USF3: variants seen among roughly 807,000 people sequenced by gnomAD.
USF3 encodes the protein basic helix-loop-helix domain-containing protein USF3.
A neutral mutation model predicts 157.5 loss-of-function variants in USF3; 29 were observed. The ratio of observed to expected loss-of-function variants is 0.18; its 90% confidence interval spans 0.14 to 0.25. The LOEUF is 0.25. Ranked by LOEUF, USF3 falls within the 10% of genes least tolerant of loss-of-function variation. The probability of loss-of-function intolerance (pLI) is 1.00; values close to 1 mark genes in which losing one functional copy is unlikely to be tolerated. For missense variants in USF3, 2,381 were observed against 2,667.6 expected (o/e 0.89, Z 2.37); for synonymous variants, 893 against 941.4 (o/e 0.95, Z 0.94).
intron 1 of USF3, among the ~76,000 whole-genome samples, chr3:113,678,738 T>A (rs529879590): frequency 1.2e-4 from 19 of 152,236 alleles, no homozygotes; most frequent in East Asian, 1.2e-3. Flanking sequence ...TCATTAAAAA[T>A]TTTTTTTAAT....
Position 113,696,523 on chromosome 3 carries a change from C to T in USF3, c.-288G>A. ...GCCTGCTCCTCCGGGGCTGGGGGAG[C>T]GCGGGCCCAGGCCCTCCTCTCCCCC... is the stretch of plus-strand genomic sequence containing the variant. On this transcript the variant is annotated 5_prime_UTR_variant, in exon 1 of 7. Coordinates refer to ENST00000316407, the MANE Select transcript of USF3 (RefSeq NM_001009899.4). 6.6e-6 allele frequency: 1 copy of T among 152,364 alleles called. No homozygotes were observed. The highest frequency in any genetic ancestry group is 1.5e-5 in the Non-Finnish European group (1 of 68,176). The allele number at this position is 152,364 out of a possible 1,614,324, so 9.4% of individuals were successfully genotyped here.
At chr3:113,673,530 T>C (rs1055437621) in intron 3 of USF3, among the ~76,000 whole-genome samples, 154 bp from the exon 4 acceptor site, 2 of 152,216 alleles carry the variant, frequency 1.3e-5, no homozygotes, top group Non-Finnish European at 2.9e-5. Flanking sequence ...TTAATATATA[T>C]TATGGTATGA....
chr3:113,676,775 G>T (rs947687460), intron 2 of USF3, among the ~76,000 whole-genome samples: 3 of 152,148 alleles, frequency 2.0e-5, no homozygotes, highest in Non-Finnish European at 4.4e-5. Flanking sequence ...CAGAAAGCAT[G>T]AGTTTAAAAT....
Position 113,657,999 on chromosome 3 carries a change from T to C in USF3, c.3683A>G (p.Asp1228Gly). Residue 1228 changes from aspartate (D) to glycine (G), a missense_variant, in exon 7 of 7, where the codon GAT becomes GGT. Coordinates refer to ENST00000316407, the MANE Select transcript of USF3 (RefSeq NM_001009899.4). ...GATGCTTGGTGGCTGAGAAGTTGAA[T>C]CCTGTAAAGATGCATTTGATGTTTT... ...GIKTSNASLQDSTSQPPSITS... is the reference protein window; with the variant it reads ...GIKTSNASLQGSTSQPPSITS... 1.2e-6 allele frequency: 2 copies of C among 1,614,140 alleles called. No individual in the cohort carries two copies. The highest frequency in any genetic ancestry group is 1.7e-6 in the Non-Finnish European group (2 of 1,180,008).
In USF3 at chr3:113,648,863, CTTT is replaced by C. The variant is rs1018655983; in HGVS notation, c.*6078_*6080del. 2.6e-5 allele frequency: 4 copies of C among 151,936 alleles called. 1 individual carries two copies. In the East Asian group the frequency reaches 7.7e-4, roughly 29 times the overall value. 9.4% of individuals were successfully genotyped at this position (151,936 alleles called of 1,614,324 possible). A position where few individuals can be genotyped will look rare whatever the true frequency, so the allele number is the denominator to read the frequency against. ...ATTATGTTCTCCTCAGATTTTTCAA[CTTT>C]TTTTTACCAAAGTGAAAATATATAT... is the stretch of plus-strand genomic sequence containing the variant. On this transcript the variant is annotated 3_prime_UTR_variant, in exon 7 of 7. Transcript: ENST00000316407.
chr3:113,694,355 A>G (rs1004769772), intron 1 of USF3, among the ~76,000 whole-genome samples: 2 of 152,154 alleles, frequency 1.3e-5, no homozygotes, highest in Non-Finnish European at 1.5e-5. Flanking sequence ...GTACCCATCA[A>G]TTTCTCATAC....
Position 113,659,705 on chromosome 3 carries a change from T to G in USF3, c.1977A>C (p.Gln659His), listed in dbSNP as rs76314203. Residue 659 changes from glutamine to histidine, a missense_variant, in exon 7 of 7, where the codon CAA (glutamine) becomes CAC (histidine). Physicochemically the swap from Gln to His is conservative, Grantham distance 24. Around this residue, in one of 6 missense-constraint regions of USF3, gnomAD observed 1,435 missense variants for 1,550.9 expected, o/e 0.93. Coordinates refer to ENST00000316407, the MANE Select transcript of USF3 (RefSeq NM_001009899.4). ...CATTTAAAGAAATGGTTTGAGGCTG[T>G]TGGTTTGACATGGTAACAGAAAAAG... is the stretch of plus-strand genomic sequence containing the variant. ...TQTFSVTMSN[Q>H]QPQTISLNGQ... 1.9e-6 allele frequency: 3 copies of G among 1,614,224 alleles called. No individual in the cohort carries two copies. The highest frequency in any genetic ancestry group is 2.5e-6 in the Non-Finnish European group (3 of 1,180,032).
At chr3:113,691,571 G>A (rs1342145518) in intron 1 of USF3, among the ~76,000 whole-genome samples, 1 of 152,090 alleles carries the variant, frequency 6.6e-6, no homozygotes, top group Admixed American at 6.5e-5. Flanking sequence ...CTCTGGGGTG[G>A]GCATGGGGCT....
rs1220295647 is a variant in USF3 at position 113,653,602 on chromosome 3, A to G, written c.*1342T>C. 3 of 136,400 alleles carry G rather than the reference A, an allele frequency of 2.2e-5. No homozygotes were observed. In the Admixed American group the frequency reaches 2.3e-4, roughly 10 times the overall value. 8.4% of individuals were successfully genotyped at this position (136,400 alleles called of 1,614,324 possible). ...TGGGCAACAGAGCCAGACTCCATCT[A>G]TTAAAAAAAAAAAAAAAAAAAAAAC... On this transcript the variant is annotated 3_prime_UTR_variant, in exon 7 of 7. Transcript: ENST00000316407.
At chr3:113,661,994 G>A (rs1053388947) in intron 6 of USF3, among the ~76,000 whole-genome samples, 1 of 152,070 alleles carries the variant, frequency 6.6e-6, no homozygotes, top group Non-Finnish European at 1.5e-5. Flanking sequence ...TTACAGGTGC[G>A]CACCAACACT....
rs1947298721 is a variant in USF3 at position 113,653,447 on chromosome 3, C to G, written c.*1497G>C. On this transcript the variant is annotated 3_prime_UTR_variant, in exon 7 of 7. Coordinates refer to ENST00000316407, the MANE Select transcript of USF3 (RefSeq NM_001009899.4). The stretch of plus-strand genomic sequence containing the variant: ...TGAAACCCCGTCTCTACTAAAAGTA[C>G]CAAAAATTAGCCAGGTGTGGTGGCA... 1 of 151,380 alleles carries G rather than the reference C, an allele frequency of 6.6e-6. No homozygotes were observed. The highest frequency in any genetic ancestry group is 2.4e-5 in the African/African-American group (1 of 41,118). The allele number at this position is 151,380 out of a possible 1,614,324, so 9.4% of individuals were successfully genotyped here.
intron 4 of USF3, 41 bp from the exon 5 acceptor site, chr3:113,670,244 T>C: frequency 2.6e-6 from 3 of 1,143,096 alleles, no homozygotes; most frequent in Non-Finnish European, 4.0e-6. Context: ...TTACACTACT[T>C]AGTCAAAGTG....
chr3:113,662,023 T>C (rs1947494389), intron 6 of USF3, among the ~76,000 whole-genome samples: 1 of 152,188 alleles, frequency 6.6e-6, no homozygotes. Context: ...ATTTTCATAT[T>C]TTTAGTAGAT....
chr3:113,660,999 G>A lies in USF3; in HGVS notation c.683C>T (p.Pro228Leu). ...ATNQPVPLCL[P>L]AAISAQSILE... ...AATACTCTGAGCAGAAATGGCAGCA[G>A]GAAGACAAAGAGGAACAGGCTGGTT... The change falls in exon 7 of 7, where the codon CCT becomes CTT. Residue 228 changes from proline to leucine, a missense_variant. This residue lies in a region of USF3 where 1,435 missense variants were observed against 1,550.9 expected (regional missense o/e 0.93). Transcript: ENST00000316407. 6.2e-7 allele frequency: 1 copy of A among 1,614,148 alleles called. No homozygotes were observed. The highest frequency in any genetic ancestry group is 8.5e-7 in the Non-Finnish European group (1 of 1,180,008).
chr3:113,678,208 GA>G (rs1201347861), intron 1 of USF3, among the ~76,000 whole-genome samples: 1 of 152,144 alleles, frequency 6.6e-6, no homozygotes, highest in African/African-American at 2.4e-5. Context: ...TTTAACTGGT[GA>G]AAGTTCAAGC....
Position 113,655,088 on chromosome 3 carries a change from G to A in USF3, c.6594C>T (p.Ala2198=), listed in dbSNP as rs2107914858. The A allele has an allele frequency of 3.1e-6, 5 of 1,614,132 alleles. No homozygotes were observed. Among genetic ancestry groups the A allele is most frequent in the Non-Finnish European group, 4.2e-6 (5 of 1,180,006 alleles). ...TTGCTGAGCCATCAGGAAGCGCTGTGGCTATTTCTGGAAACAAAGATGTCA... is the reference window on the plus strand; with the variant it reads ...TTGCTGAGCCATCAGGAAGCGCTGTAGCTATTTCTGGAAACAAAGATGTCA... ...FNMTSLFPEI[A]TALPDGSAMS... Residue 2198 remains alanine (A), a synonymous_variant, in exon 7 of 7, where the codon GCC becomes GCT. Coordinates refer to ENST00000316407, the MANE Select transcript of USF3 (RefSeq NM_001009899.4).
rs1947354884 is a variant in USF3 at position 113,656,193 on chromosome 3, T to C, written c.5489A>G (p.Asp1830Gly). 6.2e-7 allele frequency: 1 copy of C among 1,614,032 alleles called. No individual in the cohort carries two copies. The highest frequency in any genetic ancestry group is 8.5e-7 in the Non-Finnish European group (1 of 1,180,026). ...MQSLLAPHLS[D>G]QVIGSQRSLS... ...TGACCTCTGGCTCCCAATGACCTGA[T>C]CACTGAGGTGAGGGGCAAGTAAGCT... Residue 1830 changes from aspartate (D) to glycine (G), a missense_variant, in exon 7 of 7, where the codon GAT (aspartate) becomes GGT (glycine). By Grantham distance (94) the Asp-to-Gly change is moderately conservative. Coordinates refer to ENST00000316407, the MANE Select transcript of USF3 (RefSeq NM_001009899.4).
chr3:113,659,619 A>G lies in USF3; in HGVS notation c.2063T>C (p.Met688Thr). Reference protein sequence around the residue: ...SSSGTTNQTPMQIIQPTTSED... With the variant: ...SSSGTTNQTPTQIIQPTTSED... ...GCTGGTGGTGGGTTGAATAATTTGC[A>G]TAGGGGTTTGATTTGTAGTTCCTGA... Residue 688 changes from methionine to threonine, a missense_variant, in exon 7 of 7, where the codon ATG (methionine) becomes ACG (threonine). Transcript: ENST00000316407. 1.2e-6 allele frequency: 2 copies of G among 1,614,182 alleles called. No individual in the cohort carries two copies. The highest frequency in any genetic ancestry group is 1.7e-6 in the Non-Finnish European group (2 of 1,179,998).
chr3:113,657,976 T>A lies in USF3; in HGVS notation c.3706A>T (p.Ile1236Phe). ...AGATTATTCACACTTAAACTGGTGA[T>A]GCTTGGTGGCTGAGAAGTTGAATCC... Reference protein sequence around the residue: ...LQDSTSQPPSITSLSVNNLIH... With the variant: ...LQDSTSQPPSFTSLSVNNLIH... The change falls in exon 7 of 7, where the codon ATC becomes TTC. Residue 1236 changes from isoleucine to phenylalanine, a missense_variant. This residue lies in a region of USF3 where 1,435 missense variants were observed against 1,550.9 expected (regional missense o/e 0.93). Coordinates refer to ENST00000316407, the MANE Select transcript of USF3 (RefSeq NM_001009899.4). The A allele has an allele frequency of 3.7e-6, 6 of 1,614,216 alleles. No homozygotes were observed. Among genetic ancestry groups the A allele is most frequent in the Non-Finnish European group, 5.1e-6 (6 of 1,180,038 alleles).
Sources: allele counts gnomAD v4.1 joint callset (sites outside exome capture counted in the v4.1 genomes callset), GRCh38; gene constraint gnomAD v4.1.1; regional missense constraint gnomAD v4.1.1; transcripts MANE v1.5; gene names NCBI Gene and HGNC (gene_info 2026-07-23, HGNC 2026-07-21).